The following TSC22D4 variants were observed in gnomAD, a reference collection of about 807,000 sequenced individuals.
The protein encoded by TSC22D4 is TSC22 domain family member 4, also known as TSC22 domain family protein 4.
In TSC22D4, 5 loss-of-function variants were observed where a neutral mutation model predicts 24.9. The observed-to-expected ratio is 0.20, with a 90% CI of 0.10 to 0.42. TSC22D4 has a LOEUF of 0.42. Ranked by LOEUF, TSC22D4 falls within the 10% of genes least tolerant of loss-of-function variation. The pLI is 1.00. For synonymous variants in TSC22D4, 245 were observed against 243.2 expected (o/e 1.01, Z -0.07); for missense variants, 469 against 547.9 (o/e 0.86, Z 1.44).
chr7:100,477,196 AGGG>A lies in TSC22D4; in HGVS notation c.762+78_762+80del. ...TAAAGTGATGGAGAAGGAGGAGGAGAGGGGGGGGAGGAGGAGGAAGGAGGCTCA... is the reference window on the plus strand; with the variant it reads ...TAAAGTGATGGAGAAGGAGGAGGAGAGGGGGAGGAGGAGGAAGGAGGCTCA... On this transcript the variant is annotated intron_variant, in intron 2 of 4. Coordinates refer to ENST00000300181, the MANE Select transcript of TSC22D4 (RefSeq NM_030935.5). This position sits in a 1 kb window ranked among gnomAD's most constrained non-coding sequence, Gnocchi z 7.8. 1.3e-6 allele frequency: 1 copy of A among 774,152 alleles called. No individual in the cohort carries two copies. Among genetic ancestry groups the A allele is most frequent in the Non-Finnish European group, 1.7e-6 (1 of 573,700 alleles). The allele number at this position is 774,152 out of a possible 1,614,324, so 48.0% of individuals were successfully genotyped here.
Position 100,474,303 on chromosome 7 carries a change from G to C in TSC22D4, c.900C>G (p.Ile300Met). 1 of 1,614,052 alleles carries C rather than the reference G, an allele frequency of 6.2e-7. No individual in the cohort carries two copies. The highest frequency in any genetic ancestry group is 8.5e-7 in the Non-Finnish European group (1 of 1,180,014). Residue 300 changes from isoleucine to methionine, a missense_variant, in exon 3 of 5, where the codon ATC (isoleucine) becomes ATG (methionine). Transcript: ENST00000300181. The surrounding 1 kb of genome is among the most constrained non-coding windows in gnomAD (Gnocchi z 4.3). ...CATCGTCGCTGTCTAGGTGACCACT[G>C]ATGGCCAACATGGAGTGGGCCAGGC... ...KFSLAHSMLA[I>M]SGHLDSDDDS...
In TSC22D4 at chr7:100,478,176, G is replaced by A. The variant is rs1014684983; in HGVS notation, c.-138C>T. On this transcript the variant is annotated 5_prime_UTR_variant, in exon 2 of 5. Transcript: ENST00000300181. ...GGGACGTCTGGGTCCGACATGGCAG[G>A]AGGGCCTGGCGGGAACCGGGGGTGC... The A allele has an allele frequency of 9.4e-6, 7 of 741,558 alleles. No homozygotes were observed. The highest frequency in any genetic ancestry group is 7.1e-5 in the African/African-American group (4 of 56,098). The allele number at this position is 741,558 out of a possible 1,614,324, so 45.9% of individuals were successfully genotyped here.
chr7:100,468,632 C>G (rs1224843289), intron 3 of TSC22D4, among the ~76,000 whole-genome samples: 1 of 152,214 alleles, frequency 6.6e-6, no homozygotes, highest in Non-Finnish European at 1.5e-5. Context: ...GCCCAAAGCC[C>G]TAGAAGATGA....
chr7:100,470,734 G>C (rs1227943636), intron 3 of TSC22D4, among the ~76,000 whole-genome samples: 1 of 152,152 alleles, frequency 6.6e-6, no homozygotes, highest in Non-Finnish European at 1.5e-5. Flanking sequence ...TCCGGGGGAG[G>C]AAAGTAGGGG....
chr7:100,475,115 G>A (rs1418525652), intron 2 of TSC22D4, among the ~76,000 whole-genome samples: 1 of 152,016 alleles, frequency 6.6e-6, no homozygotes, highest in Admixed American at 6.6e-5. Context: ...CTGGAGTCTC[G>A]CTCTGTCGCC....
intron 3 of TSC22D4, among the ~76,000 whole-genome samples, chr7:100,469,466 G>A (rs1799354114): frequency 6.6e-6 from 1 of 152,070 alleles, no homozygotes; most frequent in Admixed American, 6.6e-5. Flanking sequence ...CGGGCTCCAG[G>A]CTGGCTCCAC....
chr7:100,470,558 C>G (rs1430992586), intron 3 of TSC22D4, among the ~76,000 whole-genome samples: 1 of 152,238 alleles, frequency 6.6e-6, no homozygotes, highest in African/African-American at 2.4e-5. Flanking sequence ...CCACCTCAGC[C>G]TCCCATCTCA....
intron 2 of TSC22D4, among the ~76,000 whole-genome samples, chr7:100,475,674 T>TG (rs887074587): frequency 2.1e-4 from 24 of 113,890 alleles, no homozygotes; most frequent in South Asian, 1.5e-3. Context: ...GCCCTAGGGT[T>TG]GGGGGGGGAG....
chr7:100,478,348 AGAGTGTGT>A (rs1184274878), intron 1 of TSC22D4, 41 bp from the exon 2 acceptor site: 194 of 224,232 alleles, frequency 8.7e-4, no homozygotes, highest in African/African-American at 6.2e-3. Context: ...AGAGAGAGAG[AGAGTGTGT>A]GTGTGTGTGT....
At chr7:100,476,960 G>A (rs1799507512) in intron 2 of TSC22D4, among the ~76,000 whole-genome samples, 1 of 152,156 alleles carries the variant, frequency 6.6e-6, no homozygotes, top group Non-Finnish European at 1.5e-5. Context: ...ATCACCTAGA[G>A]GCAGAGGGGC....
chr7:100,476,956 T>C (rs1163669172), intron 2 of TSC22D4, among the ~76,000 whole-genome samples: 1 of 151,784 alleles, frequency 6.6e-6, no homozygotes, highest in Non-Finnish European at 1.5e-5. Context: ...CCTCATCACC[T>C]AGAGGCAGAG....
chr7:100,472,386 G>A (rs1441677008), intron 3 of TSC22D4, among the ~76,000 whole-genome samples: 4 of 151,036 alleles, frequency 2.6e-5, no homozygotes, highest in Middle Eastern at 3.4e-3. Flanking sequence ...GAACCGGACC[G>A]GTCAGATTGG....
At position 100,478,245 on chromosome 7, in the gene TSC22D4, G is replaced by A. The variant is rs986340753; in HGVS notation, c.-207C>T. ...AGAGGAGAGGGGAGGTGGCGGGAGG[G>A]GGGAGCAGGGGCAGGTTTTTCCTGC... On this transcript the variant is annotated 5_prime_UTR_variant, in exon 2 of 5. Transcript: ENST00000300181. 4 of 556,432 alleles carry A rather than the reference G, an allele frequency of 7.2e-6. No individual in the cohort carries two copies. Among genetic ancestry groups the A allele is most frequent in the Admixed American group, 3.3e-5 (1 of 29,914 alleles). 34.5% of individuals were successfully genotyped at this position (556,432 alleles called of 1,614,324 possible).
chr7:100,468,627 A>C (rs2131041022), intron 3 of TSC22D4, among the ~76,000 whole-genome samples: 1 of 152,324 alleles, frequency 6.6e-6, no homozygotes, highest in East Asian at 1.9e-4. Context: ...ACTGAGCCCA[A>C]AGCCCTAGAA....
In TSC22D4 at chr7:100,477,785, T is replaced by C; in HGVS notation, c.254A>G (p.Tyr85Cys). ...CACACACGTCCAGCGACCGCGGCGA[T>C]AAGGCTCTCCCAGGCCGTGGGGCAG... is the stretch of plus-strand genomic sequence containing the variant. ...VKLPHGLGEPYRRGRWTCVDV... is the reference protein window; with the variant it reads ...VKLPHGLGEPCRRGRWTCVDV... The change falls in exon 2 of 5, where the codon TAT (tyrosine) becomes TGT (cysteine). Residue 85 changes from tyrosine to cysteine, a missense_variant. By Grantham distance (194) the Tyr-to-Cys change is radical. Coordinates refer to ENST00000300181, the MANE Select transcript of TSC22D4 (RefSeq NM_030935.5). The surrounding 1 kb of genome is among the most constrained non-coding windows in gnomAD (Gnocchi z 7.8). 3 of 1,607,046 alleles carry C rather than the reference T, an allele frequency of 1.9e-6. No individual in the cohort carries two copies. Among genetic ancestry groups the C allele is most frequent in the Admixed American group, 1.7e-5 (1 of 59,970 alleles).
At chr7:100,471,149 C>A (rs1409050089) in intron 3 of TSC22D4, among the ~76,000 whole-genome samples, 1 of 149,390 alleles carries the variant, frequency 6.7e-6, no homozygotes, top group South Asian at 2.2e-4. Flanking sequence ...AGGTCTGGGG[C>A]CAAGAAAGTG....
chr7:100,476,656 G>A (rs969431694), intron 2 of TSC22D4, among the ~76,000 whole-genome samples: 8 of 152,158 alleles, frequency 5.3e-5, no homozygotes, highest in South Asian at 2.1e-4. Context: ...TCAGATGGAC[G>A]GGGGTGAGCC....
At position 100,478,177 on chromosome 7, in the gene TSC22D4, A is replaced by G. The variant is rs1584354111; in HGVS notation, c.-139T>C. ...GGACGTCTGGGTCCGACATGGCAGG[A>G]GGGCCTGGCGGGAACCGGGGGTGCC... On this transcript the variant is annotated 5_prime_UTR_variant, in exon 2 of 5. Coordinates refer to ENST00000300181, the MANE Select transcript of TSC22D4 (RefSeq NM_030935.5). 1 of 349,816 alleles carries G rather than the reference A, an allele frequency of 2.9e-6. No homozygotes were observed. The highest frequency in any genetic ancestry group is 4.1e-6 in the Non-Finnish European group (1 of 242,162). The allele number at this position is 349,816 out of a possible 1,614,324, so 21.7% of individuals were successfully genotyped here.
intron 3 of TSC22D4, chr7:100,467,965 G>C (rs2131039915): frequency 2.0e-6 from 1 of 504,712 alleles, no homozygotes. Context: ...AGGGTCCTTA[G>C]ACACCCCCCC....
Sources: allele counts gnomAD v4.1 joint callset (sites outside exome capture counted in the v4.1 genomes callset), GRCh38; gene constraint gnomAD v4.1.1; non-coding constraint Gnocchi (gnomAD v3.1); transcripts MANE v1.5; gene names NCBI Gene and HGNC (gene_info 2026-07-23, HGNC 2026-07-21).